The following SLC6A15 variants were observed in gnomAD, a reference collection of about 807,000 sequenced individuals.
SLC6A15 encodes sodium-dependent neutral amino acid transporter B(0)AT2.
In SLC6A15, 33 loss-of-function variants were observed where a neutral mutation model predicts 68.5. That is an observed-to-expected ratio of 0.48 (90% CI 0.37 to 0.64). SLC6A15 has a LOEUF of 0.64. Among genes scored for constraint, SLC6A15 ranks in the 30% least tolerant of loss-of-function variants. The pLI is 0.00. For missense variants in SLC6A15, 747 were observed against 874.3 expected, an observed-to-expected ratio of 0.85 and a Z score of 1.84; for synonymous variants, 347 against 301.0, an observed-to-expected ratio of 1.15 and a Z score of -1.58.
chr12:84,882,039 T>C (rs1348555248), intron 5 of SLC6A15: 1 of 984,022 alleles, frequency 1.0e-6, no homozygotes, highest in Non-Finnish European at 1.2e-6. Context: ...AAATTTACAC[T>C]ACATGACATG....
intron 1 of SLC6A15, among the ~76,000 whole-genome samples, chr12:84,904,224 G>GGAGAGAGAGAGA (rs370457657): frequency 0.32 from 39,254 of 121,332 alleles, 6,413 homozygotes; most frequent in Middle Eastern, 0.45. Context: ...GGGCGGAGGG[G>GGAGAGAGAGAGA]GAGAGAGAGA....
At position 84,867,096 on chromosome 12, in the gene SLC6A15, C is replaced by T. The variant is rs1233832353; in HGVS notation, c.1593G>A (p.Leu531=). 6.2e-7 allele frequency: 1 copy of T among 1,612,146 alleles called. No homozygotes were observed. The highest frequency in any genetic ancestry group is 1.7e-5 in the Admixed American group (1 of 59,840). Residue 531 remains leucine (L), a synonymous_variant, in exon 10 of 12, where the codon CTG becomes CTA. Transcript: ENST00000266682. ...VTMFDDYSAT[L]PLLIVVILEN... is the part of the protein sequence containing the mutation. ...CCAAAATGACTACAATTAGCAGAGG[C>T]AGTGTAGCAGAATAATCATCAAACA...
At chr12:84,881,723 C>T in intron 5 of SLC6A15, 1 of 906,488 alleles carries the variant, frequency 1.1e-6, no homozygotes, top group African/African-American at 1.8e-5. Flanking sequence ...AACAATATTT[C>T]TCTCTTCTGT....
chr12:84,901,484 C>G (rs1336854769), intron 1 of SLC6A15, among the ~76,000 whole-genome samples: 1 of 151,600 alleles, frequency 6.6e-6, no homozygotes, highest in Non-Finnish European at 1.5e-5. Flanking sequence ...AGGTCTTTTT[C>G]TTTGTTTTTA....
chr12:84,891,364 T>C (rs1565729365), intron 2 of SLC6A15, among the ~76,000 whole-genome samples: 1 of 152,202 alleles, frequency 6.6e-6, no homozygotes, highest in Non-Finnish European at 1.5e-5. Flanking sequence ...CATTTGAAGA[T>C]TATAATTATT....
chr12:84,877,986 G>A (rs1431467681), intron 5 of SLC6A15, among the ~76,000 whole-genome samples: 2 of 152,078 alleles, frequency 1.3e-5, no homozygotes, highest in Non-Finnish European at 2.9e-5. Flanking sequence ...AGGAGAATTG[G>A]AACAATGGAG....
At chr12:84,883,267 T>A in intron 5 of SLC6A15, 1 of 985,718 alleles carries the variant, frequency 1.0e-6, no homozygotes, top group Non-Finnish European at 1.2e-6. Flanking sequence ...AATGTCTTTT[T>A]AAACCACAAC....
chr12:84,904,680 C>G (rs2077677123), intron 1 of SLC6A15, among the ~76,000 whole-genome samples: 1 of 152,148 alleles, frequency 6.6e-6, no homozygotes, highest in African/African-American at 2.4e-5. Flanking sequence ...TTTAGTCAAT[C>G]ATATGTAAAG....
intron 1 of SLC6A15, among the ~76,000 whole-genome samples, chr12:84,912,243 G>T (rs776837595): frequency 2.0e-5 from 3 of 152,052 alleles, no homozygotes; most frequent in African/African-American, 7.2e-5. Context: ...AAAGGATGGC[G>T]GCACGTTTCA....
intron 6 of SLC6A15, among the ~76,000 whole-genome samples, chr12:84,874,304 G>A (rs1241596317): frequency 3.9e-5 from 6 of 152,078 alleles, no homozygotes; most frequent in Admixed American, 2.0e-4. Flanking sequence ...ATAATAAGAA[G>A]TGTACCACTT....
At chr12:84,883,766 G>A in intron 5 of SLC6A15, 93 bp downstream of exon 5, 1 of 1,613,542 alleles carries the variant, frequency 6.2e-7, no homozygotes, top group Non-Finnish European at 8.5e-7. Context: ...TGTTATGTGT[G>A]ATTTGCCCAC....
chr12:84,883,398 C>T, intron 5 of SLC6A15: 11 of 1,030,004 alleles, frequency 1.1e-5, no homozygotes, highest in Non-Finnish European at 1.3e-5. Context: ...AAACACTTCA[C>T]ATTACATTAT....
At chr12:84,882,349 T>G (rs1256802769) in intron 5 of SLC6A15, 2 of 984,082 alleles carry the variant, frequency 2.0e-6, no homozygotes, top group African/African-American at 3.5e-5. Context: ...TCGAAGTTAT[T>G]TAGTCATATA....
chr12:84,877,183 G>A (rs1290594380), intron 5 of SLC6A15, among the ~76,000 whole-genome samples: 1 of 152,092 alleles, frequency 6.6e-6, no homozygotes, highest in Non-Finnish European at 1.5e-5. Context: ...GACATTCACT[G>A]CCTCCTTGAC....
chr12:84,905,304 G>GA (rs578203624), intron 1 of SLC6A15, among the ~76,000 whole-genome samples: 2 of 152,006 alleles, frequency 1.3e-5, no homozygotes, highest in East Asian at 3.9e-4. Flanking sequence ...CAGGCTAAAG[G>GA]AAAAATCACA....
intron 10 of SLC6A15, 70 bp downstream of exon 10, chr12:84,866,964 A>C: frequency 7.7e-7 from 1 of 1,307,138 alleles, no homozygotes; most frequent in Admixed American, 2.6e-5. Flanking sequence ...TTCTAAATGA[A>C]ATGAACATTG....
chr12:84,910,559 T>C (rs1873387320), intron 1 of SLC6A15, among the ~76,000 whole-genome samples: 1 of 152,192 alleles, frequency 6.6e-6, no homozygotes, highest in Non-Finnish European at 1.5e-5. Flanking sequence ...CAGACCTTGG[T>C]GAAAGCGAAA....
chr12:84,909,027 G>A (rs965261132), intron 1 of SLC6A15, among the ~76,000 whole-genome samples: 1 of 151,978 alleles, frequency 6.6e-6, no homozygotes, highest in Admixed American at 6.6e-5. Flanking sequence ...CATATCTGTA[G>A]AATAAATTCC....
rs189317869 is a variant in SLC6A15 at position 84,883,605 on chromosome 12, A to G, written c.756+254T>C. On this transcript the variant is annotated intron_variant, in intron 5 of 11. Transcript: ENST00000266682. ...AAAAAGAAAGGACTTTTAAGTATTC[A>G]CAAAAATTTTAAAGATCTTGTTGAA... 1,362 of 1,400,480 alleles carry G rather than the reference A, an allele frequency of 9.7e-4. 8 individuals carry two copies. The highest frequency in any genetic ancestry group is 2.4e-4 in the Non-Finnish European group (257 of 1,073,206). 86.8% of individuals were successfully genotyped at this position (1,400,480 alleles called of 1,614,324 possible).
Sources: allele counts gnomAD v4.1 joint callset (sites outside exome capture counted in the v4.1 genomes callset), GRCh38; gene constraint gnomAD v4.1.1; transcripts MANE v1.5; gene names NCBI Gene and HGNC (gene_info 2026-07-23, HGNC 2026-07-21).